AP2A1: variants seen among roughly 807,000 people sequenced by gnomAD.
AP2A1 encodes the protein adaptor related protein complex 2 subunit alpha 1.
A neutral mutation model predicts 107.3 loss-of-function variants in AP2A1; 21 were observed. The observed-to-expected ratio is 0.20, with a 90% CI of 0.14 to 0.28. The LOEUF is 0.28. AP2A1 is among the 10% of genes least tolerant of loss of function. The pLI, the probability that AP2A1 is intolerant of heterozygous loss-of-function variation, is 1.00. For missense variants in AP2A1, 873 were observed against 1,307.7 expected (o/e 0.67, Z 5.13); for synonymous variants, 602 against 564.8 (o/e 1.07, Z -0.93).
At chr19:49,796,252 A>G (rs1228136237) in intron 7 of AP2A1, 1 of 154,640 alleles carries the variant, frequency 6.5e-6, no homozygotes, top group Non-Finnish European at 1.4e-5. Context: ...CCTGCCGAAC[A>G]GAGCTGGCAA....
chr19:49,767,009 G>A lies in AP2A1; in HGVS notation c.-125G>A, dbSNP rs1220211933. ...AGCCCGCCCGCCCGCCCGCCAGCCA[G>A]CCCTCCCCGCGGCCGGCTCGGCTCC... On this transcript the variant is annotated 5_prime_UTR_variant, in exon 1 of 23. Coordinates refer to ENST00000354293, the MANE Select transcript of AP2A1 (RefSeq NM_130787.3). 1.4e-6 allele frequency: 1 copy of A among 738,608 alleles called. No individual in the cohort carries two copies. The highest frequency in any genetic ancestry group is 1.8e-6 in the Non-Finnish European group (1 of 546,858). The allele number at this position is 738,608 out of a possible 1,614,324, so 45.8% of individuals were successfully genotyped here.
chr19:49,805,402 C>T, intron 18 of AP2A1, 51 bp from the exon 19 acceptor site: 11 of 1,484,628 alleles, frequency 7.4e-6, no homozygotes, highest in Non-Finnish European at 9.9e-6. Flanking sequence ...TGACCCAGAC[C>T]TCCCGGGGGC....
At chr19:49,806,485 T>A in intron 22 of AP2A1, 196 bp from the exon 23 acceptor site, 1 of 1,445,034 alleles carries the variant, frequency 6.9e-7, no homozygotes. Context: ...TTCCATATCC[T>A]TTCCACCTTT....
chr19:49,786,947 A>G (rs751874897), intron 4 of AP2A1, among the ~76,000 whole-genome samples: 28 of 152,198 alleles, frequency 1.8e-4, no homozygotes, highest in Non-Finnish European at 3.7e-4. Context: ...CCACACTGGA[A>G]ACTTGGCCTC....
intron 5 of AP2A1, among the ~76,000 whole-genome samples, chr19:49,792,515 T>C (rs544890741): frequency 1.3e-4 from 20 of 151,916 alleles, no homozygotes; most frequent in African/African-American, 4.6e-4. Flanking sequence ...CCTGCCCAAG[T>C]GTCCAGAAAC....
chr19:49,787,347 G>GT (rs199550216), intron 4 of AP2A1, among the ~76,000 whole-genome samples: 2,705 of 95,842 alleles, frequency 0.028, 121 homozygotes, highest in South Asian at 0.083. Context: ...TGTTTTTTTT[G>GT]TTTTTTGTTT....
At chr19:49,777,094 G>A (rs1432126957) in intron 1 of AP2A1, among the ~76,000 whole-genome samples, 1 of 147,546 alleles carries the variant, frequency 6.8e-6, no homozygotes. Flanking sequence ...AAAAAGCCAG[G>A]TGTGGTGGTG....
At chr19:49,778,579 G>A (rs914143026) in intron 1 of AP2A1, among the ~76,000 whole-genome samples, 5 of 151,894 alleles carry the variant, frequency 3.3e-5, no homozygotes, top group African/African-American at 7.3e-5. Flanking sequence ...GTGAAACTGC[G>A]TCTCAAGATA....
At chr19:49,780,984 G>A (rs1197345127) in intron 1 of AP2A1, among the ~76,000 whole-genome samples, 1 of 152,126 alleles carries the variant, frequency 6.6e-6, no homozygotes, top group African/African-American at 2.4e-5. Flanking sequence ...TGAAGTCTGG[G>A]GTGAGTGGAA....
At chr19:49,800,279 T>TG in intron 11 of AP2A1, 129 bp downstream of exon 11, 1 of 1,179,234 alleles carries the variant, frequency 8.5e-7, no homozygotes, top group Non-Finnish European at 1.2e-6. Flanking sequence ...GACCTCAAAA[T>TG]GGGGCCTCTG....
At chr19:49,770,605 A>T (rs1323911532) in intron 1 of AP2A1, among the ~76,000 whole-genome samples, 1 of 152,214 alleles carries the variant, frequency 6.6e-6, no homozygotes, top group Non-Finnish European at 1.5e-5. Context: ...TGAGAAATAA[A>T]GTGTGGTCTA....
At chr19:49,767,750 G>A (rs1309243938) in intron 1 of AP2A1, among the ~76,000 whole-genome samples, 1 of 152,196 alleles carries the variant, frequency 6.6e-6, no homozygotes, top group Middle Eastern at 3.4e-3. Context: ...GGAGGCCTGA[G>A]AGTGGTTGAA....
chr19:49,774,688 C>T (rs964040147), intron 1 of AP2A1, among the ~76,000 whole-genome samples: 6 of 151,860 alleles, frequency 4.0e-5, no homozygotes, highest in Non-Finnish European at 5.9e-5. Context: ...TTTGGGAGGC[C>T]GAGGCAGGCG....
intron 4 of AP2A1, among the ~76,000 whole-genome samples, chr19:49,790,015 A>G (rs1359211128): frequency 6.6e-6 from 1 of 152,244 alleles, no homozygotes; most frequent in African/African-American, 2.4e-5. Context: ...GTGCCAGGCA[A>G]GTGCTGACCC....
At chr19:49,775,666 G>A (rs1435677286) in intron 1 of AP2A1, among the ~76,000 whole-genome samples, 2 of 152,128 alleles carry the variant, frequency 1.3e-5, no homozygotes, top group Non-Finnish European at 2.9e-5. Context: ...GCCTCCCAAA[G>A]TGCTGGGATT....
rs1249211993 is a variant in AP2A1 at position 49,782,568 on chromosome 19, C to T, written c.317C>T (p.Ser106Leu). The T allele has an allele frequency of 6.2e-7, 1 of 1,613,894 alleles. No homozygotes were observed. The highest frequency in any genetic ancestry group is 1.1e-5 in the South Asian group (1 of 91,066). The change falls in exon 4 of 23, where the codon TCG becomes TTG. Residue 106 changes from serine to leucine, a missense_variant. By Grantham distance (145) the Ser-to-Leu change is moderately radical (BLOSUM62 -2). Transcript: ENST00000354293. ...LFISVLVNSN[S>L]ELIRLINNAI... ...ATTTCTGTGCTGGTGAACTCGAACT[C>T]GGAGCTGATCCGCCTCATCAACAAC...
chr19:49,772,255 T>TTTGTTTTG (rs1323426047), intron 1 of AP2A1, among the ~76,000 whole-genome samples: 7,227 of 117,162 alleles, frequency 0.062, 552 homozygotes, highest in East Asian at 0.13. Flanking sequence ...AGTTTTTTTT[T>TTTGTTTTG]TTTTTTTTTT....
At chr19:49,784,113 C>T (rs2084709525) in intron 4 of AP2A1, among the ~76,000 whole-genome samples, 1 of 152,184 alleles carries the variant, frequency 6.6e-6, no homozygotes, top group Non-Finnish European at 1.5e-5. Context: ...ACACAAGACA[C>T]CATGAGGGAG....
At chr19:49,771,303 T>TA (rs902347385) in intron 1 of AP2A1, among the ~76,000 whole-genome samples, 2,475 of 97,924 alleles carry the variant, frequency 0.025, 65 homozygotes, top group African/African-American at 0.066. Flanking sequence ...CCTCATCTCT[T>TA]AAAAAAAAAA....
Sources: gnomAD v4.1 joint callset for allele counts (sites outside exome capture counted in the v4.1 genomes callset) on GRCh38, gnomAD v4.1.1 for gene constraint, MANE v1.5 for transcripts, NCBI Gene and HGNC (gene_info 2026-07-23, HGNC 2026-07-21) for gene names.